SNRNP40: variants seen among roughly 807,000 people sequenced by gnomAD.
SNRNP40 encodes small nuclear ribonucleoprotein U5 subunit 40, also known as U5 small nuclear ribonucleoprotein 40 kDa protein.
In SNRNP40, 21 loss-of-function variants were observed where a neutral mutation model predicts 45.8. That is an observed-to-expected ratio of 0.46 (90% CI 0.32 to 0.66). The LOEUF is 0.66. Ranked by LOEUF, SNRNP40 falls within the 30% of genes least tolerant of loss-of-function variation. The probability of loss-of-function intolerance (pLI) is 0.03; values close to 1 mark genes in which losing one functional copy is unlikely to be tolerated. For missense variants in SNRNP40, 344 were observed against 439.1 expected (o/e 0.78, Z 1.94); for synonymous variants, 142 against 163.8 (o/e 0.87, Z 1.01).
chr1:31,276,894 C>G (rs111468458), intron 5 of SNRNP40, among the ~76,000 whole-genome samples: 1 of 151,858 alleles, frequency 6.6e-6, no homozygotes, highest in East Asian at 1.9e-4. Flanking sequence ...ATTAGTGGGA[C>G]GTGGTGGCGG....
rs200724756 is a variant in SNRNP40 at position 31,273,170 on chromosome 1, T to G, written c.655-1671A>C. On this transcript the variant is annotated intron_variant, in intron 5 of 9. Coordinates refer to ENST00000263694, the MANE Select transcript of SNRNP40 (RefSeq NM_004814.3). ...AGGAAAGCCTGAAGTATCTGACATT[T>G]TGTTCAAGCTGTTGTTCCTTCTCTT... Among the ~76,000 whole-genome samples, 15 of 152,318 alleles carry G rather than the reference T, an allele frequency of 9.8e-5. No individual in the cohort carries two copies. The East Asian group carries it at 2.9e-3, about 29-fold the overall frequency.
chr1:31,287,375 A>T (rs779080528), intron 4 of SNRNP40, among the ~76,000 whole-genome samples: 28 of 152,234 alleles, frequency 1.8e-4, no homozygotes, highest in Admixed American at 3.3e-4. Flanking sequence ...TAACTATTCC[A>T]AATCATGTTT....
At chr1:31,281,520 TATCAGCAAC>T in intron 4 of SNRNP40, 24 bp from the exon 5 acceptor site, 1 of 1,579,246 alleles carries the variant, frequency 6.3e-7, no homozygotes, top group Non-Finnish European at 8.7e-7. Context: ...CAAGACAGTC[TATCAGCAAC>T]ATCATTCTAA....
chr1:31,289,222 C>T, intron 4 of SNRNP40, 32 bp downstream of exon 4: 1 of 1,607,264 alleles, frequency 6.2e-7, no homozygotes. Context: ...CACATCACCT[C>T]AGAAACTGGA....
Position 31,296,731 on chromosome 1 carries a change from A to G in SNRNP40, c.21T>C (p.Arg7=), listed in dbSNP as rs769245953. Reference sequence around the variant, plus strand: ...GAACCAGCGGCAACTCTGGGCCCTTACGCTTCTGCTGTTCTATCATGGCGG... The same window carrying G: ...GAACCAGCGGCAACTCTGGGCCCTTGCGCTTCTGCTGTTCTATCATGGCGG... MIEQQK[R]KGPELPLVPV... The change falls in exon 1 of 10, where the codon CGT becomes CGC. Residue 7 remains arginine (R), a synonymous_variant. Coordinates refer to ENST00000263694, the MANE Select transcript of SNRNP40 (RefSeq NM_004814.3). The G allele has an allele frequency of 6.2e-6, 10 of 1,611,596 alleles. No homozygotes were observed. The highest frequency in any genetic ancestry group is 1.7e-4 in the Middle Eastern group (1 of 6,050).
At chr1:31,260,251 A>C in intron 9 of SNRNP40, 130 bp from the exon 10 acceptor site, 1 of 575,416 alleles carries the variant, frequency 1.7e-6, no homozygotes, top group Non-Finnish European at 3.1e-6. Flanking sequence ...CCCCTCCTAA[A>C]CACCATCCAC....
Position 31,296,673 on chromosome 1 carries a change from C to G in SNRNP40, c.79G>C (p.Gly27Arg), listed in dbSNP as rs751805206. 3.1e-6 allele frequency: 5 copies of G among 1,613,986 alleles called. No individual in the cohort carries two copies. Among genetic ancestry groups the G allele is most frequent in the Non-Finnish European group, 4.2e-6 (5 of 1,179,936 alleles). ...VKRQRHELLL[G>R]AGSGPGAGQQ... is the part of the protein sequence containing the mutation. ...CCGGCTCCTGGGCCAGACCCCGCTCCCAACAGCAACTCATGCCGCTGCCGC... is the reference window on the plus strand; with the variant it reads ...CCGGCTCCTGGGCCAGACCCCGCTCGCAACAGCAACTCATGCCGCTGCCGC... The change falls in exon 1 of 10, where the codon GGA becomes CGA. Residue 27 changes from glycine to arginine, a missense_variant. This residue lies in a region of SNRNP40 where 90 missense variants were observed against 58.9 expected (regional missense o/e 1.53). Transcript: ENST00000263694.
chr1:31,282,562 T>TCTATCTAC (rs772419648), intron 4 of SNRNP40: 3 of 57,766 alleles, frequency 5.2e-5, no homozygotes, highest in African/African-American at 2.0e-4. Context: ...GCCTAGGCTA[T>TCTATCTAC]CTATCTATCT....
chr1:31,269,275 A>T, intron 6 of SNRNP40, 35 bp from the exon 7 acceptor site: 1 of 1,611,718 alleles, frequency 6.2e-7, no homozygotes, highest in Non-Finnish European at 8.5e-7. Context: ...AACCAACCAA[A>T]ACAACTATCG....
chr1:31,281,647 C>T, intron 4 of SNRNP40, 151 bp from the exon 5 acceptor site: 1 of 596,554 alleles, frequency 1.7e-6, no homozygotes, highest in Non-Finnish European at 2.6e-6. Flanking sequence ...CCTAATAACA[C>T]ACATGGTAAG....
At position 31,288,998 on chromosome 1, in the gene SNRNP40, T is replaced by C. The variant is rs189689699; in HGVS notation, c.531+256A>G. 4.8e-3 allele frequency among the ~76,000 whole-genome samples: 733 copies of C among 152,376 alleles called. 10 individuals carry two copies. The highest frequency in any genetic ancestry group is 0.016 in the African/African-American group (682 of 41,586). On this transcript the variant is annotated intron_variant, in intron 4 of 9. Transcript: ENST00000263694. ...CACCCGCCTCGGCCTCCCAAAGTGC[T>C]GGGATTACAGGCGTAAGCCACAGCA...
chr1:31,267,501 TAAAACACA>T (rs1645907134), intron 8 of SNRNP40, among the ~76,000 whole-genome samples: 1 of 152,154 alleles, frequency 6.6e-6, no homozygotes, highest in South Asian at 2.1e-4. Context: ...GCTTTATGTA[TAAAACACA>T]AGAAGACATC....
chr1:31,292,878 A>G (rs867353595), intron 2 of SNRNP40: 1 of 258,166 alleles, frequency 3.9e-6, no homozygotes, highest in Non-Finnish European at 7.5e-6. Context: ...TGGGAAAATA[A>G]AAGTTATTTC....
rs369642883 is a variant in SNRNP40 at position 31,296,600 on chromosome 1, T to G, written c.141+11A>C. 3.7e-6 allele frequency: 6 copies of G among 1,605,858 alleles called. No individual in the cohort carries two copies. In the African/African-American group the frequency reaches 8.0e-5, roughly 22 times the overall value. On this transcript the variant is annotated intron_variant, in intron 1 of 9. Transcript: ENST00000263694. ...AGCTGAGGGCCAAAGGCCGCCTGCT[T>G]CTTCACTTACCGCTTGCAGCAAGGC... is the stretch of plus-strand genomic sequence containing the variant.
Position 31,259,753 on chromosome 1 carries a change from T to C in SNRNP40, c.*319A>G, listed in dbSNP as rs776526713. 25 of 450,398 alleles carry C rather than the reference T, an allele frequency of 5.6e-5. No individual in the cohort carries two copies. The highest frequency in any genetic ancestry group is 1.6e-5 in the Non-Finnish European group (4 of 249,264). 27.9% of individuals were successfully genotyped at this position (450,398 alleles called of 1,614,324 possible). On this transcript the variant is annotated 3_prime_UTR_variant, in exon 10 of 10. Transcript: ENST00000263694. ...GAAAGAAAATATCATACAAGCCAGT[T>C]ACAAAAAAAAAAAAAAAATCCCAAC...
intron 4 of SNRNP40, chr1:31,282,466 G>GCTATCTATCTATCTAT (rs745784092): frequency 8.4e-6 from 1 of 119,014 alleles, no homozygotes; most frequent in African/African-American, 3.4e-5. Context: ...CATATTCCTG[G>GCTATCTATCTATCTAT]CTATCTATCT....
At chr1:31,262,219 A>G (rs1645863492) in intron 8 of SNRNP40, among the ~76,000 whole-genome samples, 1 of 152,154 alleles carries the variant, frequency 6.6e-6, no homozygotes, top group Non-Finnish European at 1.5e-5. Context: ...GAAGGGGCCA[A>G]GAGAAATCAG....
intron 4 of SNRNP40, among the ~76,000 whole-genome samples, chr1:31,284,821 G>A (rs966512077): frequency 6.6e-6 from 1 of 152,042 alleles, no homozygotes; most frequent in African/African-American, 2.4e-5. Context: ...ATGTAAATAC[G>A]AACTAAAAAT....
At chr1:31,268,857 T>C (rs968003181) in intron 7 of SNRNP40, among the ~76,000 whole-genome samples, 2 of 152,084 alleles carry the variant, frequency 1.3e-5, no homozygotes, top group Non-Finnish European at 2.9e-5. Context: ...GGAAAACTGA[T>C]TTAGGAGGGT....
Sources: gnomAD v4.1 joint callset for allele counts (sites outside exome capture counted in the v4.1 genomes callset) on GRCh38, gnomAD v4.1.1 for gene constraint, gnomAD v4.1.1 regional missense constraint, MANE v1.5 for transcripts, NCBI Gene and HGNC (gene_info 2026-07-23, HGNC 2026-07-21) for gene names.